CHMP1A: variants seen among roughly 807,000 people sequenced by gnomAD.
The protein encoded by CHMP1A is VPS46 homolog A.
Under a neutral mutation model 27.0 loss-of-function variants are expected in CHMP1A, and 17 were observed. The ratio of observed to expected loss-of-function variants is 0.63; its 90% CI spans 0.43 to 0.95. The LOEUF (loss-of-function observed/expected upper bound fraction) is 0.95. Ranked by LOEUF, CHMP1A falls within the 40% of genes least tolerant of loss-of-function variation. The pLI is 0.00. For missense variants in CHMP1A, 275 were observed against 264.0 expected, an observed-to-expected ratio of 1.04 and a Z score of -0.29; for synonymous variants, 131 against 107.5, an observed-to-expected ratio of 1.22 and a Z score of -1.35.
Position 89,645,473 on chromosome 16 carries a change from C to T in CHMP1A, c.*593G>A. 6.0e-6 allele frequency: 1 copy of T among 167,948 alleles called. No individual in the cohort carries two copies. The highest frequency in any genetic ancestry group is 1.3e-4 in the South Asian group (1 of 7,566). 10.4% of individuals were successfully genotyped at this position (167,948 alleles called of 1,614,324 possible). A position where few individuals can be genotyped will look rare whatever the true frequency, so the allele number is the denominator to read the frequency against. On this transcript the variant is annotated 3_prime_UTR_variant, in exon 7 of 7. Transcript: ENST00000397901. ...GGGAACTGAGGGAAGTGAGGGAGCGCAGGAGGCCAGGGGGCTCAGCCAGCT... is the reference window on the plus strand; with the variant it reads ...GGGAACTGAGGGAAGTGAGGGAGCGTAGGAGGCCAGGGGGCTCAGCCAGCT...
At position 89,651,656 on chromosome 16, in the gene CHMP1A, A is replaced by G; in HGVS notation, c.28-10T>C. On this transcript the variant is annotated splice_polypyrimidine_tract_variant and intron_variant, in intron 2 of 6. Transcript: ENST00000397901. The stretch of plus-strand genomic sequence containing the variant: ...GCTGCTTCGCCGTGAACTGAGCGGA[A>G]GCCGGAATGTCCTGGGTCAGACATG... 6.2e-7 allele frequency: 1 copy of G among 1,613,366 alleles called. No individual in the cohort carries two copies. Among genetic ancestry groups the G allele is most frequent in the South Asian group, 1.1e-5 (1 of 91,058 alleles).
intron 1 of CHMP1A, among the ~76,000 whole-genome samples, chr16:89,655,460 C>T (rs1442121484): frequency 6.6e-6 from 1 of 151,100 alleles, no homozygotes; most frequent in African/African-American, 2.4e-5. Flanking sequence ...TTCCTCACCT[C>T]AGCTTTCCCT....
At chr16:89,655,373 C>T (rs563098890) in intron 1 of CHMP1A, among the ~76,000 whole-genome samples, 1 of 51,372 alleles carries the variant, frequency 1.9e-5, no homozygotes, top group African/African-American at 4.2e-5. Context: ...TCTCAGCTTT[C>T]CCTCACCTCA....
intron 2 of CHMP1A, among the ~76,000 whole-genome samples, chr16:89,653,449 T>C (rs1000506944): frequency 1.2e-4 from 18 of 149,346 alleles, no homozygotes; most frequent in Non-Finnish European, 1.0e-4. Flanking sequence ...TGAAACCCCG[T>C]CTCTATTAAA....
chr16:89,651,329 C>T (rs577153916), intron 3 of CHMP1A, among the ~76,000 whole-genome samples: 2 of 152,072 alleles, frequency 1.3e-5, no homozygotes, highest in Non-Finnish European at 2.9e-5. Flanking sequence ...CGAGATCGCA[C>T]CTGTGCACTC....
intron 3 of CHMP1A, 141 bp from the exon 4 acceptor site, chr16:89,649,638 C>T (rs932978108): frequency 3.8e-5 from 37 of 967,250 alleles, no homozygotes; most frequent in African/African-American, 3.8e-4. Flanking sequence ...TGCAGTGGCA[C>T]GATCTCGACT....
At chr16:89,651,669 T>C (rs751507977) in intron 2 of CHMP1A, 23 bp from the exon 3 acceptor site, 4 of 1,612,550 alleles carry the variant, frequency 2.5e-6, no homozygotes, top group African/African-American at 1.3e-5. Flanking sequence ...CGGAATGTCC[T>C]GGGTCAGACA....
intron 1 of CHMP1A, among the ~76,000 whole-genome samples, chr16:89,656,826 T>TC (rs2059877799): frequency 6.6e-6 from 1 of 151,564 alleles, no homozygotes; most frequent in South Asian, 2.1e-4. Context: ...CATCGCACAG[T>TC]CCCCCCTACC....
chr16:89,657,668 A>C lies in CHMP1A; in HGVS notation c.-80T>G. The C allele has an allele frequency of 6.3e-7, 1 of 1,598,632 alleles. No homozygotes were observed. The highest frequency in any genetic ancestry group is 8.5e-7 in the Non-Finnish European group (1 of 1,173,970). ...CGGTGTCAGGTCCCGGCGGCGATCGAACCGACCAAGCTGCACCCGGCGGGG... is the reference window on the plus strand; with the variant it reads ...CGGTGTCAGGTCCCGGCGGCGATCGCACCGACCAAGCTGCACCCGGCGGGG... On this transcript the variant is annotated 5_prime_UTR_variant, in exon 1 of 7. Transcript: ENST00000397901.
rs780682377 is a variant in CHMP1A, at chr16:89,646,717, G to A, written c.382-3C>T. ...GAGCTCATGGAGTCCTCCATCACCT[G>A]GGGGCAGGGGCATGCTCTGGACAAC... On this transcript the variant is annotated splice_region_variant and splice_polypyrimidine_tract_variant and intron_variant, in intron 5 of 6. Transcript: ENST00000397901. 20 of 1,607,166 alleles carry A rather than the reference G, an allele frequency of 1.2e-5. No homozygotes were observed. Among genetic ancestry groups the A allele is most frequent in the Non-Finnish European group, 1.6e-5 (19 of 1,177,590 alleles).
At position 89,649,497 on chromosome 16, in the gene CHMP1A, C is replaced by G. The variant is rs777001499; in HGVS notation, c.106G>C (p.Ala36Pro). 3.1e-6 allele frequency: 5 copies of G among 1,613,532 alleles called. No individual in the cohort carries two copies. Among genetic ancestry groups the G allele is most frequent in the African/African-American group, 2.7e-5 (2 of 74,936 alleles). ...CACTCTACATTTTTCTGCAGAAGGG[C>G]CTGAAACCCGCGGGGGAAAGCAGCT... ...SKAEQAKVKK[A>P]LLQKNVECAR... The change falls in exon 4 of 7, where the codon GCC becomes CCC. Residue 36 changes from alanine (A) to proline (P), a missense_variant and splice_region_variant. Transcript: ENST00000397901.
At chr16:89,646,893 C>CCCA in intron 5 of CHMP1A, 179 bp from the exon 6 acceptor site, 1 of 697,670 alleles carries the variant, frequency 1.4e-6, no homozygotes, top group Non-Finnish European at 2.5e-6. Flanking sequence ...TGCCCCCCCA[C>CCCA]CCAGCCCCAC....
intron 1 of CHMP1A, among the ~76,000 whole-genome samples, chr16:89,654,257 T>G (rs776802382): frequency 5.3e-5 from 8 of 152,232 alleles, no homozygotes; most frequent in Non-Finnish European, 1.2e-4. Flanking sequence ...TGGCCATGGT[T>G]AGAATCCAAA....
At chr16:89,651,677 A>G in intron 2 of CHMP1A, 31 bp from the exon 3 acceptor site, 3 of 1,610,144 alleles carry the variant, frequency 1.9e-6, no homozygotes, top group Non-Finnish European at 2.5e-6. Flanking sequence ...CCTGGGTCAG[A>G]CATGCGGAGC....
intron 1 of CHMP1A, 101 bp downstream of exon 1, chr16:89,657,481 C>G (rs893575326): frequency 5.7e-5 from 85 of 1,488,768 alleles, no homozygotes; most frequent in Non-Finnish European, 7.8e-5. Flanking sequence ...CCGAGCTCTC[C>G]TGAGTCCTGC....
chr16:89,646,751 C>T, intron 5 of CHMP1A, 37 bp from the exon 6 acceptor site: 1 of 1,593,176 alleles, frequency 6.3e-7, no homozygotes, highest in Non-Finnish European at 8.5e-7. Context: ...ACAGGTGGGG[C>T]CAGGCCCATG....
chr16:89,649,108 C>G (rs1027346358), intron 4 of CHMP1A: 9 of 532,864 alleles, frequency 1.7e-5, no homozygotes, highest in Non-Finnish European at 2.6e-5. Flanking sequence ...AGGGTGCAGC[C>G]TCACCTGTGT....
chr16:89,646,442 C>T (rs2151511136), intron 6 of CHMP1A, 85 bp downstream of exon 6: 1 of 1,382,072 alleles, frequency 7.2e-7, no homozygotes. Flanking sequence ...AGCTCTCCTC[C>T]AGCCTCTAAC....
intron 2 of CHMP1A, 124 bp downstream of exon 2, chr16:89,653,780 T>C (rs976070050): frequency 1.2e-5 from 12 of 987,274 alleles, no homozygotes; most frequent in East Asian, 9.7e-5. Context: ...GTCTGAGCCC[T>C]GTGTGGCGGT....
Sources: allele counts gnomAD v4.1 joint callset (sites outside exome capture counted in the v4.1 genomes callset), GRCh38; gene constraint gnomAD v4.1.1; transcripts MANE v1.5; gene names NCBI Gene and HGNC (gene_info 2026-07-23, HGNC 2026-07-21).